Variants in EIF4G3 observed in about 807,000 individuals in gnomAD.
EIF4G3 encodes eIF-4-gamma 3.
A neutral mutation model predicts 186.4 loss-of-function variants in EIF4G3; 34 were observed. That is an observed-to-expected ratio of 0.18 (90% CI 0.14 to 0.24). The LOEUF (loss-of-function observed/expected upper bound fraction) is 0.24, where lower values mean the gene tolerates loss of function less well. Ranked by LOEUF, EIF4G3 falls within the 10% of genes least tolerant of loss-of-function variation. The pLI, the probability that EIF4G3 is intolerant of heterozygous loss-of-function variation, is 1.00. For missense variants in EIF4G3, 1,536 were observed against 1,948.5 expected, an observed-to-expected ratio of 0.79 and a Z score of 3.99; for synonymous variants, 673 against 679.5, an observed-to-expected ratio of 0.99 and a Z score of 0.15.
chr1:21,041,100 C>T lies in EIF4G3; in HGVS notation c.-67+9766G>A, dbSNP rs1018397304. ...CAATTAAACTCCTTTAAATTTAATT[C>T]GACTACATTTTAATTTTAACAGTTA... is the stretch of plus-strand genomic sequence containing the variant. On this transcript the variant is annotated intron_variant, in intron 4 of 36. Coordinates refer to ENST00000602326, the MANE Select transcript of EIF4G3 (RefSeq NM_001391906.1). Among the ~76,000 whole-genome samples the T allele has an allele frequency of 1.6e-4, 24 of 152,074 alleles. No homozygotes were observed. In the East Asian group the frequency reaches 4.1e-3, roughly 26 times the overall value.
intron 12 of EIF4G3, among the ~76,000 whole-genome samples, chr1:20,958,711 C>A (rs1456260385): frequency 6.6e-6 from 1 of 152,122 alleles, no homozygotes; most frequent in Non-Finnish European, 1.5e-5. Flanking sequence ...CCTCAGGTTA[C>A]AAAATAAATG....
At chr1:20,825,012 C>T (rs966104925) in intron 33 of EIF4G3, 88 bp downstream of exon 33, 14 of 789,960 alleles carry the variant, frequency 1.8e-5, no homozygotes, top group African/African-American at 3.5e-5. Flanking sequence ...GCAATTTTAA[C>T]GACTGGAATA....
At position 20,825,267 on chromosome 1, in the gene EIF4G3, A is replaced by G. The variant is rs555405082; in HGVS notation, c.4270-69T>C. On this transcript the variant is annotated intron_variant, in intron 32 of 36. Transcript: ENST00000602326. ...GAAGAAACAGAAAAAAAAAAAAAAAAAAAGATTTGCTTGAAGTCAAACAGT... is the reference window on the plus strand; with the variant it reads ...GAAGAAACAGAAAAAAAAAAAAAAAGAAAGATTTGCTTGAAGTCAAACAGT... The G allele has an allele frequency of 1.7e-4, 203 of 1,221,034 alleles. No homozygotes were observed. The African/African-American group carries it at 2.0e-3, about 12-fold the overall frequency. The allele number at this position is 1,221,034 out of a possible 1,614,324, so 75.6% of individuals were successfully genotyped here. A position where few individuals can be genotyped will look rare whatever the true frequency, so the allele number is the denominator to read the frequency against.
chr1:21,096,537 G>A (rs192083184), intron 2 of EIF4G3, among the ~76,000 whole-genome samples: 2 of 152,274 alleles, frequency 1.3e-5, no homozygotes, highest in East Asian at 3.9e-4. Context: ...CCACTGTGAA[G>A]AAATATCAGT....
At chr1:20,981,640 A>G (rs1558551614) in intron 8 of EIF4G3, among the ~76,000 whole-genome samples, 1 of 125,950 alleles carries the variant, frequency 7.9e-6, no homozygotes, top group African/African-American at 3.0e-5. Context: ...ATACGCACAT[A>G]CTGTATGTAT....
intron 2 of EIF4G3, among the ~76,000 whole-genome samples, chr1:21,129,106 C>CG (rs751336101): frequency 2.6e-5 from 4 of 151,712 alleles, no homozygotes; most frequent in Non-Finnish European, 5.9e-5. Context: ...CAAAGTCAGG[C>CG]GTTCAAGACC....
chr1:21,163,885 C>A (rs937528738), intron 2 of EIF4G3, among the ~76,000 whole-genome samples: 4 of 152,160 alleles, frequency 2.6e-5, no homozygotes, highest in African/African-American at 9.7e-5. Context: ...GATTCTCCTG[C>A]CTCAGCCTCC....
chr1:20,960,530 T>A (rs745598505), intron 12 of EIF4G3, among the ~76,000 whole-genome samples: 9 of 152,054 alleles, frequency 5.9e-5, no homozygotes, highest in Non-Finnish European at 1.2e-4. Flanking sequence ...GGCAGGATTA[T>A]CGCTTGAATT....
intron 14 of EIF4G3, among the ~76,000 whole-genome samples, chr1:20,923,820 T>C (rs2094665328): frequency 6.7e-6 from 1 of 150,274 alleles, no homozygotes; most frequent in Non-Finnish European, 1.5e-5. Context: ...TATATATATA[T>C]ATATATATAT....
Position 20,849,503 on chromosome 1 carries a change from G to A in EIF4G3, c.3800C>T (p.Ala1267Val). The change falls in exon 29 of 37, where the codon GCT (alanine) becomes GTT (valine). Residue 1267 changes from alanine (A) to valine (V), a missense_variant. Ala to Val is a moderately conservative substitution (Grantham distance 64, BLOSUM62 0). Around this residue, in one of 11 missense-constraint regions of EIF4G3, gnomAD observed 395 missense variants for 498.9 expected, o/e 0.79. Coordinates refer to ENST00000602326, the MANE Select transcript of EIF4G3 (RefSeq NM_001391906.1). ...TTCTGATAATGCAGCCTTGTCATGA[G>A]CTGACATTGCTGAAATTTCTGGTTT... ...SAKPEISAMS[A>V]HDKAALSEEE... 2.6e-6 allele frequency: 4 copies of A among 1,545,902 alleles called. No homozygotes were observed. The highest frequency in any genetic ancestry group is 3.5e-6 in the Non-Finnish European group (4 of 1,152,880).
At chr1:20,951,873 A>C (rs1027481395) in intron 12 of EIF4G3, among the ~76,000 whole-genome samples, 1 of 152,194 alleles carries the variant, frequency 6.6e-6, no homozygotes, top group African/African-American at 2.4e-5. Flanking sequence ...AATACCTTCA[A>C]TCATATAAAA....
chr1:21,010,342 C>CG, intron 4 of EIF4G3, among the ~76,000 whole-genome samples: 1 of 150,750 alleles, frequency 6.6e-6, no homozygotes, highest in Non-Finnish European at 1.5e-5. Context: ...ATCAGTTGAA[C>CG]CCAGGAGGCG....
At chr1:21,086,437 T>A (rs1221039961) in intron 3 of EIF4G3, among the ~76,000 whole-genome samples, 1 of 152,084 alleles carries the variant, frequency 6.6e-6, no homozygotes, top group Non-Finnish European at 1.5e-5. Context: ...CACTTCATAT[T>A]ATGTCATAGT....
intron 2 of EIF4G3, among the ~76,000 whole-genome samples, chr1:21,158,711 G>A (rs945845644): frequency 2.0e-5 from 3 of 151,028 alleles, no homozygotes; most frequent in Admixed American, 6.6e-5. Flanking sequence ...GAGTCCAACG[G>A]TGAGTATACA....
intron 2 of EIF4G3, among the ~76,000 whole-genome samples, chr1:21,166,462 C>T (rs1006216392): frequency 5.9e-5 from 9 of 152,132 alleles, no homozygotes; most frequent in Middle Eastern, 3.4e-3. Context: ...CAGTGGCTCA[C>T]GCCTGTAATC....
chr1:21,105,779 G>A (rs1348450008), intron 2 of EIF4G3, among the ~76,000 whole-genome samples: 3 of 152,060 alleles, frequency 2.0e-5, no homozygotes, highest in East Asian at 3.9e-4. Flanking sequence ...GATGATAAGA[G>A]TGGTTGGGCA....
At chr1:21,058,443 T>G (rs1359148287) in intron 3 of EIF4G3, among the ~76,000 whole-genome samples, 1 of 152,150 alleles carries the variant, frequency 6.6e-6, no homozygotes, top group Non-Finnish European at 1.5e-5. Context: ...AAACCATATA[T>G]TGGTATATTA....
In EIF4G3 at chr1:20,980,327, TA is replaced by T; in HGVS notation, c.493+6del. On this transcript the variant is annotated splice_donor_region_variant and intron_variant, in intron 10 of 36. Coordinates refer to ENST00000602326, the MANE Select transcript of EIF4G3 (RefSeq NM_001391906.1). ...CTAGCAGAAATGTCTTGACTTTTCC[TA>T]CTTACCATAAGCATTGGGGAAGTCC... 6.5e-7 allele frequency: 1 copy of T among 1,534,336 alleles called. No individual in the cohort carries two copies. Among genetic ancestry groups the T allele is most frequent in the Non-Finnish European group, 8.7e-7 (1 of 1,148,208 alleles).
chr1:20,915,116 G>C (rs1409935406), intron 14 of EIF4G3, among the ~76,000 whole-genome samples: 1 of 152,128 alleles, frequency 6.6e-6, no homozygotes, highest in African/African-American at 2.4e-5. Flanking sequence ...TGTCAGTTGT[G>C]AGTTTCAATC....
Sources: gnomAD v4.1 joint callset for allele counts (sites outside exome capture counted in the v4.1 genomes callset) on GRCh38, gnomAD v4.1.1 for gene constraint, gnomAD v4.1.1 regional missense constraint, MANE v1.5 for transcripts, NCBI Gene and HGNC (gene_info 2026-07-23, HGNC 2026-07-21) for gene names.